The following PMEPA1 variants were observed in gnomAD, a reference collection of about 807,000 sequenced individuals.
PMEPA1 encodes the protein protein TMEPAI.
PMEPA1 carries 11 observed loss-of-function variants against 23.0 expected under a neutral mutation model. The observed-to-expected ratio is 0.48, with a 90% confidence interval of 0.30 to 0.79. The LOEUF is 0.79. PMEPA1 is among the 30% of genes least tolerant of loss of function. The pLI is 0.06. For missense variants in PMEPA1, 377 were observed against 390.9 expected, an observed-to-expected ratio of 0.96 and a Z score of 0.30; for synonymous variants, 204 against 166.4, an observed-to-expected ratio of 1.23 and a Z score of -1.74.
At chr20:57,665,118 C>T (rs1247021803) in intron 1 of PMEPA1, among the ~76,000 whole-genome samples, 1 of 152,192 alleles carries the variant, frequency 6.6e-6, no homozygotes, top group African/African-American at 2.4e-5. Flanking sequence ...GGAGAGGGCA[C>T]ACCCAAACTC....
chr20:57,694,629 T>C (rs919744083), intron 1 of PMEPA1, among the ~76,000 whole-genome samples: 7 of 152,200 alleles, frequency 4.6e-5, no homozygotes, highest in African/African-American at 1.2e-4. Context: ...CCTTGGGCAA[T>C]TGACTTCTGC....
At chr20:57,660,147 G>C (rs2071393208) in intron 1 of PMEPA1, among the ~76,000 whole-genome samples, 1 of 152,162 alleles carries the variant, frequency 6.6e-6, no homozygotes, top group South Asian at 2.1e-4. Context: ...CCTTCTTAGG[G>C]GCCCAGGGAG....
chr20:57,709,516 T>G lies in PMEPA1; in HGVS notation c.67A>C (p.Thr23Pro). Residue 23 changes from threonine to proline, a missense_variant, in exon 1 of 4, where the codon ACG becomes CCG. By Grantham distance (38) the Thr-to-Pro change is conservative. This residue lies in a region of PMEPA1 where 198 missense variants were observed against 196.3 expected (regional missense o/e 1.01). Coordinates refer to ENST00000341744, the MANE Select transcript of PMEPA1 (RefSeq NM_020182.5). ...AACAAAGAGCGTTTGCAGTTGCACG[T>G]GCAGGAGACATTGGGCTGCCCGGCG... ...AAAGQPNVSC[T>P]CNCKRSLFQS... The G allele has an allele frequency of 2.6e-6, 3 of 1,142,574 alleles. No individual in the cohort carries two copies. The highest frequency in any genetic ancestry group is 3.3e-6 in the Non-Finnish European group (3 of 908,764). The allele number at this position is 1,142,574 out of a possible 1,614,324, so 70.8% of individuals were successfully genotyped here. A position where few individuals can be genotyped will look rare whatever the true frequency, so the allele number is the denominator to read the frequency against.
rs546842988 is a variant in PMEPA1, at chr20:57,709,532, C to A, written c.51G>T (p.Gln17His). The change falls in exon 1 of 4, where the codon CAG becomes CAT. Residue 17 changes from glutamine (Q) to histidine (H), a missense_variant. Physicochemically the swap from Gln to His is conservative, Grantham distance 24 (BLOSUM62 0). Around this residue, in one of 3 missense-constraint regions of PMEPA1, gnomAD observed 198 missense variants for 196.3 expected, o/e 1.01. Coordinates refer to ENST00000341744, the MANE Select transcript of PMEPA1 (RefSeq NM_020182.5). ...VNSTAAAAAG[Q>H]PNVSCTCNCK... The stretch of plus-strand genomic sequence containing the variant: ...AGTTGCACGTGCAGGAGACATTGGG[C>A]TGCCCGGCGGCGGCGGCGGCGGTGC... The A allele has an allele frequency of 1.2e-5, 14 of 1,125,582 alleles. No individual in the cohort carries two copies. The African/African-American group carries it at 1.8e-4, about 15-fold the overall frequency. 69.7% of individuals were successfully genotyped at this position (1,125,582 alleles called of 1,614,324 possible).
upstream of PMEPA1, chr20:57,710,678 C>CGGA: frequency 3.9e-6 from 2 of 517,544 alleles, no homozygotes; most frequent in Non-Finnish European, 6.8e-6. Context: ...GGGGCGAATC[C>CGGA]ACACCCATTG....
At chr20:57,677,839 A>G (rs536239923) in intron 1 of PMEPA1, among the ~76,000 whole-genome samples, 20 of 152,364 alleles carry the variant, frequency 1.3e-4, no homozygotes, top group African/African-American at 4.3e-4. Flanking sequence ...ACCATGGTGC[A>G]TTCATACCTT....
intron 1 of PMEPA1, among the ~76,000 whole-genome samples, chr20:57,676,150 C>A (rs548847170): frequency 1.3e-5 from 2 of 152,356 alleles, no homozygotes; most frequent in East Asian, 3.9e-4. Flanking sequence ...GGGGACACAG[C>A]AAAGCTGTGG....
At position 57,710,000 on chromosome 20, in the gene PMEPA1, A is replaced by T. The variant is rs2146723314; in HGVS notation, c.-418T>A. The T allele has an allele frequency of 3.0e-6, 3 of 991,734 alleles. 1 individual carries two copies. Among genetic ancestry groups the T allele is most frequent in the South Asian group, 9.0e-5 (2 of 22,334 alleles). The allele number at this position is 991,734 out of a possible 1,614,324, so 61.4% of individuals were successfully genotyped here. ...TCGCTCCGAGACCGCGGTCGGAGGC[A>T]GGCAGACGGTCTGACGTCAGCGCTA... On this transcript the variant is annotated 5_prime_UTR_variant, in exon 1 of 4. Transcript: ENST00000341744.
chr20:57,694,361 C>T (rs2071919019), intron 1 of PMEPA1, among the ~76,000 whole-genome samples: 1 of 152,236 alleles, frequency 6.6e-6, no homozygotes, highest in Admixed American at 6.5e-5. Flanking sequence ...AATTGGTTTA[C>T]TTATTACTTA....
At chr20:57,658,379 C>T (rs936134947) in intron 2 of PMEPA1, among the ~76,000 whole-genome samples, 2 of 152,224 alleles carry the variant, frequency 1.3e-5, no homozygotes, top group East Asian at 1.9e-4. Flanking sequence ...GGCCACGGCC[C>T]TCGGCTTCCT....
chr20:57,651,018 C>CCCCCGT lies in PMEPA1; in HGVS notation c.*1034_*1035insACGGGG, dbSNP rs1568957245. On this transcript the variant is annotated 3_prime_UTR_variant, in exon 4 of 4. Transcript: ENST00000341744. Reference sequence around the variant, plus strand: ...GTGAGGGGCACCATGCTCCACCCCACGGGGACCTTCACAGTTGGAAAAAAG... The same window carrying CCCCCGT: ...GTGAGGGGCACCATGCTCCACCCCACCCCCGTGGGGACCTTCACAGTTGGAAAAAAG... 6.6e-6 allele frequency: 1 copy of CCCCCGT among 152,206 alleles called. No individual in the cohort carries two copies. Among genetic ancestry groups the CCCCCGT allele is most frequent in the Non-Finnish European group, 1.5e-5 (1 of 68,048 alleles). The allele number at this position is 152,206 out of a possible 1,614,324, so 9.4% of individuals were successfully genotyped here.
chr20:57,686,329 G>GTC (rs2146689887), intron 1 of PMEPA1, among the ~76,000 whole-genome samples: 1 of 152,356 alleles, frequency 6.6e-6, no homozygotes, highest in South Asian at 2.1e-4. Flanking sequence ...CGGCCAAGCG[G>GTC]TCACTTCCTT....
chr20:57,660,118 C>T (rs1362217719), intron 1 of PMEPA1, among the ~76,000 whole-genome samples: 1 of 152,112 alleles, frequency 6.6e-6, no homozygotes, highest in Non-Finnish European at 1.5e-5. Flanking sequence ...GGCAAAGGCT[C>T]GGGCAGACGG....
At position 57,659,574 on chromosome 20, in the gene PMEPA1, TGGCTGTGCC is replaced by T; in HGVS notation, c.224_232del (p.Arg75_Ser77del). 2 of 1,613,976 alleles carry T rather than the reference TGGCTGTGCC, an allele frequency of 1.2e-6. No individual in the cohort carries two copies. The highest frequency in any genetic ancestry group is 1.7e-6 in the Non-Finnish European group (2 of 1,179,984). ...CAGGGCATCTTCTCTCCTCCGCCCC[TGGCTGTGCC>T]GGCTGATGAAGGACCGTGCAGACAG... is the stretch of plus-strand genomic sequence containing the variant. On this transcript the variant is annotated inframe_deletion, in exon 2 of 4. Coordinates refer to ENST00000341744, the MANE Select transcript of PMEPA1 (RefSeq NM_020182.5).
chr20:57,709,848 G>A lies in PMEPA1; in HGVS notation c.-266C>T, dbSNP rs1047635239. The A allele has an allele frequency of 3.2e-5, 32 of 987,404 alleles. No homozygotes were observed. The highest frequency in any genetic ancestry group is 1.1e-5 in the Non-Finnish European group (9 of 831,758). 61.2% of individuals were successfully genotyped at this position (987,404 alleles called of 1,614,324 possible). ...CCCGCGGGTGGCGTCCGGAAAATGG[G>A]CTGGCAGCGGGGCGCGCGCTGCCGC... is the stretch of plus-strand genomic sequence containing the variant. On this transcript the variant is annotated 5_prime_UTR_variant, in exon 1 of 4. Coordinates refer to ENST00000341744, the MANE Select transcript of PMEPA1 (RefSeq NM_020182.5).
chr20:57,697,964 G>A, intron 1 of PMEPA1, among the ~76,000 whole-genome samples: 1 of 152,188 alleles, frequency 6.6e-6, no homozygotes, highest in East Asian at 1.9e-4. Flanking sequence ...TAGGGAATGG[G>A]GCAGAGGCTC....
intron 1 of PMEPA1, among the ~76,000 whole-genome samples, chr20:57,686,782 A>G (rs1357309624): frequency 6.6e-6 from 1 of 152,230 alleles, no homozygotes; most frequent in Non-Finnish European, 1.5e-5. Flanking sequence ...AGTGCACACC[A>G]AAGAGTGGAG....
chr20:57,659,766 T>C, intron 1 of PMEPA1, 69 bp from the exon 2 acceptor site: 1 of 1,448,236 alleles, frequency 6.9e-7, no homozygotes, highest in Non-Finnish European at 9.4e-7. Flanking sequence ...GGCTCAGCCC[T>C]TTTGAGCTTT....
Position 57,648,596 on chromosome 20 carries a change from G to A in PMEPA1, c.*3457C>T, listed in dbSNP as rs2071177497. 1 of 152,562 alleles carries A rather than the reference G, an allele frequency of 6.6e-6. No homozygotes were observed. 9.5% of individuals were successfully genotyped at this position (152,562 alleles called of 1,614,324 possible). On this transcript the variant is annotated 3_prime_UTR_variant, in exon 4 of 4. Transcript: ENST00000341744. ...CTTACATAAGTTTAACTTGAACAGA[G>A]CTTGGGAAATGGGGCTGCAAAGGAG...
Sources: allele counts gnomAD v4.1 joint callset (sites outside exome capture counted in the v4.1 genomes callset), GRCh38; gene constraint gnomAD v4.1.1; regional missense constraint gnomAD v4.1.1; transcripts MANE v1.5; gene names NCBI Gene and HGNC (gene_info 2026-07-23, HGNC 2026-07-21).